Variants in TTC39B observed in about 807,000 individuals in gnomAD.
TTC39B encodes the protein tetratricopeptide repeat domain 39B.
Under a neutral mutation model 96.6 loss-of-function variants are expected in TTC39B, and 92 were observed. The ratio of observed to expected loss-of-function variants is 0.95; its 90% CI spans 0.80 to 1.13. TTC39B has a LOEUF of 1.13. TTC39B is among the 50% of genes most tolerant of loss of function. TTC39B has a pLI of 0.00. For synonymous variants in TTC39B, 367 were observed against 299.4 expected (o/e 1.23, Z -2.33); for missense variants, 955 against 809.3 (o/e 1.18, Z -2.18).
intron 1 of TTC39B, among the ~76,000 whole-genome samples, chr9:15,305,357 C>T (rs995721083): frequency 2.0e-5 from 3 of 152,202 alleles, no homozygotes; most frequent in Non-Finnish European, 2.9e-5. Context: ...TAAACGCTTG[C>T]TCAGTTTATA....
At chr9:15,287,967 AAAC>A (rs1314004078) in intron 1 of TTC39B, among the ~76,000 whole-genome samples, 119 of 122,236 alleles carry the variant, frequency 9.7e-4, no homozygotes, top group African/African-American at 4.2e-3. Context: ...AAAAAAAAAA[AAAC>A]ATAAAAAAAT....
chr9:15,242,576 C>G (rs1409023866), intron 2 of TTC39B, among the ~76,000 whole-genome samples: 1 of 151,908 alleles, frequency 6.6e-6, no homozygotes, highest in Non-Finnish European at 1.5e-5. Context: ...GAGCAAGACC[C>G]TATCTCAAAA....
intron 2 of TTC39B, among the ~76,000 whole-genome samples, chr9:15,240,685 TGCAA>T: frequency 6.6e-6 from 1 of 152,206 alleles, no homozygotes; most frequent in Admixed American, 6.5e-5. Context: ...CTAAGAAATA[TGCAA>T]GAACAGTATA....
intron 2 of TTC39B, among the ~76,000 whole-genome samples, chr9:15,233,435 G>C (rs1011953151): frequency 2.0e-5 from 3 of 152,040 alleles, no homozygotes; most frequent in Admixed American, 1.3e-4. Context: ...GCTGCCATCT[G>C]GGCTCACTGC....
intron 1 of TTC39B, among the ~76,000 whole-genome samples, chr9:15,296,429 A>C (rs1021094167): frequency 8.5e-5 from 13 of 152,212 alleles, no homozygotes; most frequent in African/African-American, 2.9e-4. Context: ...TTTACCCCAA[A>C]AGAAGAAGAA....
chr9:15,245,488 G>C (rs1469169650), intron 2 of TTC39B, among the ~76,000 whole-genome samples: 1 of 152,104 alleles, frequency 6.6e-6, no homozygotes, highest in Admixed American at 6.5e-5. Flanking sequence ...GCTATACAGG[G>C]ATGCTATTAC....
chr9:15,220,986 G>T (rs1369284589), intron 3 of TTC39B, among the ~76,000 whole-genome samples: 2 of 152,176 alleles, frequency 1.3e-5, no homozygotes, highest in African/African-American at 2.4e-5. Flanking sequence ...CAGCAGTGAT[G>T]CCGAGTTCTC....
In TTC39B at chr9:15,171,921, C is replaced by T; in HGVS notation, c.*98G>A. The stretch of plus-strand genomic sequence containing the variant: ...TTGACCAAAAAAACTGTTTTTTTGT[C>T]TCTTATTCACAAGATCATTTTTCCA... On this transcript the variant is annotated 3_prime_UTR_variant, in exon 20 of 20. Coordinates refer to ENST00000512701, the Ensembl canonical transcript of TTC39B. The T allele has an allele frequency of 5.7e-6, 5 of 883,436 alleles. No individual in the cohort carries two copies. In the Admixed American group the frequency reaches 7.6e-5, roughly 13 times the overall value. 54.7% of individuals were successfully genotyped at this position (883,436 alleles called of 1,614,324 possible). A position where few individuals can be genotyped will look rare whatever the true frequency, so the allele number is the denominator to read the frequency against.
intron 6 of TTC39B, among the ~76,000 whole-genome samples, chr9:15,208,565 G>C (rs1003787445): frequency 1.3e-5 from 2 of 152,042 alleles, no homozygotes; most frequent in Non-Finnish European, 2.9e-5. Context: ...TAGGTCTAAC[G>C]GGACTAATTT....
intron 16 of TTC39B, 77 bp from the exon 17 acceptor site, chr9:15,182,492 A>G: frequency 9.8e-7 from 1 of 1,020,542 alleles, no homozygotes; most frequent in Non-Finnish European, 1.4e-6. Flanking sequence ...AACAATGTTC[A>G]TGTGTTTTGC....
intron 2 of TTC39B, among the ~76,000 whole-genome samples, chr9:15,252,534 G>A (rs906352210): frequency 1.3e-5 from 2 of 152,154 alleles, no homozygotes; most frequent in Admixed American, 1.3e-4. Context: ...TGTAATCCCA[G>A]CTACTTGGGA....
intron 2 of TTC39B, among the ~76,000 whole-genome samples, chr9:15,256,793 T>C (rs1822767336): frequency 6.6e-6 from 1 of 152,160 alleles, no homozygotes; most frequent in South Asian, 2.1e-4. Context: ...AAAAACTGTA[T>C]AAGGCTTGTG....
chr9:15,265,708 T>C (rs1823105884), intron 2 of TTC39B, among the ~76,000 whole-genome samples: 1 of 152,344 alleles, frequency 6.6e-6, no homozygotes, highest in Non-Finnish European at 1.5e-5. Flanking sequence ...CCATGCCATG[T>C]GACCAAGTTC....
chr9:15,216,830 G>C (rs1820545279), intron 3 of TTC39B, among the ~76,000 whole-genome samples: 1 of 152,232 alleles, frequency 6.6e-6, no homozygotes, highest in Admixed American at 6.5e-5. Context: ...CTCTCAAAGA[G>C]CTTTCATTCT....
intron 6 of TTC39B, among the ~76,000 whole-genome samples, chr9:15,205,043 C>T (rs1394576467): frequency 1.3e-5 from 2 of 152,194 alleles, no homozygotes; most frequent in Non-Finnish European, 2.9e-5. Context: ...GGAGCCTGAG[C>T]TGCTAAAAAG....
chr9:15,188,446 C>A (rs1818661416), intron 13 of TTC39B, among the ~76,000 whole-genome samples: 1 of 152,148 alleles, frequency 6.6e-6, no homozygotes, highest in Non-Finnish European at 1.5e-5. Context: ...GGACAAAACA[C>A]TGTAGGCAGA....
intron 1 of TTC39B, among the ~76,000 whole-genome samples, chr9:15,291,524 A>T (rs540408466): frequency 2.2e-4 from 33 of 152,272 alleles, no homozygotes; most frequent in African/African-American, 7.0e-4. Context: ...TATCAGCAGC[A>T]TGAGAACGGA....
At chr9:15,275,024 T>C (rs991789618) in intron 1 of TTC39B, among the ~76,000 whole-genome samples, 3 of 151,874 alleles carry the variant, frequency 2.0e-5, no homozygotes, top group Non-Finnish European at 4.4e-5. Flanking sequence ...TGCTCTCATA[T>C]AATCCCACGT....
At chr9:15,279,366 C>A (rs1335874591) in intron 1 of TTC39B, among the ~76,000 whole-genome samples, 1 of 152,172 alleles carries the variant, frequency 6.6e-6, no homozygotes, top group African/African-American at 2.4e-5. Flanking sequence ...TCGGAAGAGG[C>A]AGTTCCCAAA....
Sources: allele counts gnomAD v4.1 joint callset (sites outside exome capture counted in the v4.1 genomes callset), GRCh38; gene constraint gnomAD v4.1.1; transcripts MANE v1.5; gene names NCBI Gene and HGNC (gene_info 2026-07-23, HGNC 2026-07-21).